C4orf51: variants seen among roughly 807,000 people sequenced by gnomAD.
C4orf51 encodes uncharacterized protein C4orf51.
C4orf51 carries 25 observed loss-of-function variants against 25.2 expected under a neutral mutation model. The ratio of observed to expected loss-of-function variants is 0.99; its 90% CI spans 0.72 to 1.39. C4orf51 has a LOEUF of 1.39. C4orf51 is among the 40% of genes most tolerant of loss of function. C4orf51 has a pLI of 0.00. For missense variants in C4orf51, 252 were observed against 239.6 expected, an observed-to-expected ratio of 1.05 and a Z score of -0.34; for synonymous variants, 100 against 84.5, an observed-to-expected ratio of 1.18 and a Z score of -1.01.
intron 3 of C4orf51, among the ~76,000 whole-genome samples, chr4:145,727,644 G>A (rs1452809641): frequency 6.6e-6 from 1 of 151,430 alleles, no homozygotes; most frequent in Non-Finnish European, 1.5e-5. Flanking sequence ...GGGAGGCCAA[G>A]ACAGGTGGAT....
At chr4:145,731,562 ATCTTT>A (rs1445635929) in intron 5 of C4orf51, among the ~76,000 whole-genome samples, 28 of 93,274 alleles carry the variant, frequency 3.0e-4, no homozygotes, top group Admixed American at 1.6e-3. Context: ...GACAAGGCAA[ATCTTT>A]TTTTTTTTTT....
At chr4:145,777,722 T>C in the C4orf51 span, among the ~76,000 whole-genome samples, 153 of 152,324 alleles carry the variant, frequency 1.0e-3, no homozygotes, top group African/African-American at 3.5e-3. Flanking sequence ...TTCTAGACTT[T>C]GTTGTTTTAT....
chr4:145,682,078 G>A (rs965907415), intron 1 of C4orf51, among the ~76,000 whole-genome samples: 3 of 152,138 alleles, frequency 2.0e-5, no homozygotes, highest in African/African-American at 7.2e-5. Context: ...TAGGACATCT[G>A]GTGAAAATGT....
chr4:145,687,154 G>C (rs1029490344), intron 1 of C4orf51, among the ~76,000 whole-genome samples: 1 of 152,166 alleles, frequency 6.6e-6, no homozygotes, highest in Non-Finnish European at 1.5e-5. Context: ...CAATGAGATA[G>C]ATGCATATCT....
At chr4:145,729,297 A>ATGTTTTTT (rs1732292224) in intron 4 of C4orf51, 68 bp downstream of exon 4, 1 of 253,942 alleles carries the variant, frequency 3.9e-6, no homozygotes, top group African/African-American at 5.1e-5. Flanking sequence ...TGGTCATGTG[A>ATGTTTTTT]TTTTTTTTTT....
chr4:145,738,961 T>C (rs1732953131), intron 1 of C4orf51, among the ~76,000 whole-genome samples: 1 of 152,218 alleles, frequency 6.6e-6, no homozygotes, highest in South Asian at 2.1e-4. Context: ...ATTTTTTTAA[T>C]GATTAGGCAA....
chr4:145,745,108 A>G (rs1733299443), intron 1 of C4orf51, among the ~76,000 whole-genome samples: 1 of 152,214 alleles, frequency 6.6e-6, no homozygotes, highest in African/African-American at 2.4e-5. Flanking sequence ...TAGTAGGTAT[A>G]TATACTTATG....
intron 2 of C4orf51, among the ~76,000 whole-genome samples, chr4:145,706,287 C>G (rs565235060): frequency 6.6e-6 from 1 of 152,260 alleles, no homozygotes; most frequent in East Asian, 1.9e-4. Flanking sequence ...CATATAGACT[C>G]CTTTTAAAAT....
intron 3 of C4orf51, among the ~76,000 whole-genome samples, chr4:145,728,282 CCT>C (rs1018067870): frequency 6.6e-6 from 1 of 151,700 alleles, no homozygotes; most frequent in Non-Finnish European, 1.5e-5. Flanking sequence ...CGTGAGAGTG[CCT>C]GTTTTCCTAT....
Position 145,680,251 on chromosome 4 carries a change from C to T in C4orf51, c.48C>T (p.Ser16=). ...CTCCACAAATTCTTCTGCCCTTTAG[C>T]CCTCTTACTTCTCAAGAGTTTGATC... The part of the protein sequence containing the change: ...YLTPQILLPF[S]PLTSQEFDLI... Residue 16 remains serine (S), a synonymous_variant, in exon 1 of 6, where the codon AGC becomes AGT. Coordinates refer to ENST00000438731, the MANE Select transcript of C4orf51 (RefSeq NM_001080531.3). The T allele has an allele frequency of 1.2e-6, 2 of 1,613,966 alleles. No individual in the cohort carries two copies. Among genetic ancestry groups the T allele is most frequent in the Non-Finnish European group, 1.7e-6 (2 of 1,179,854 alleles).
chr4:145,693,177 C>T (rs867979762), intron 1 of C4orf51, among the ~76,000 whole-genome samples: 121 of 148,760 alleles, frequency 8.1e-4, no homozygotes, highest in African/African-American at 2.8e-3. Context: ...GAGGACCCTG[C>T]GGCCTTCCGC....
chr4:145,734,472 T>C (rs1337914831), downstream of C4orf51, among the ~76,000 whole-genome samples: 1 of 152,170 alleles, frequency 6.6e-6, no homozygotes, highest in East Asian at 1.9e-4. Flanking sequence ...GCAAGGAAGA[T>C]TGTGGTCAAA....
chr4:145,740,240 CAAAAAAAAAAA>C (rs60310006), intron 1 of C4orf51, among the ~76,000 whole-genome samples: 1,255 of 104,750 alleles, frequency 0.012, 10 homozygotes, highest in African/African-American at 0.04. Context: ...TCCCTTTCTG[CAAAAAAAAAAA>C]AAAAAAAAAA....
rs868742009 is a variant in C4orf51 at position 145,729,548 on chromosome 4, T to G, written c.427+319T>G. ...GATCTTCCGACCTTGTGATCCTCCC[T>G]CCTTGGCCTCCCAAAGTGCTGGGAT... On this transcript the variant is annotated intron_variant, in intron 4 of 5. Transcript: ENST00000438731. 3.9e-4 allele frequency among the ~76,000 whole-genome samples: 59 copies of G among 152,188 alleles called. 1 individual carries two copies. Among genetic ancestry groups the G allele is most frequent in the South Asian group, 2.1e-3 (10 of 4,810 alleles).
chr4:145,768,048 A>T lies in C4orf51; in HGVS notation n.167-2940A>T, dbSNP rs542135666. Among the ~76,000 whole-genome samples the T allele has an allele frequency of 2.0e-5, 3 of 152,404 alleles. No homozygotes were observed. In the South Asian group the frequency reaches 6.2e-4, roughly 32 times the overall value. On this transcript the variant is annotated intron_variant and non_coding_transcript_variant, in intron 1 of 1. Transcript: ENST00000510096. ...GGGTTTATAAAACATATAAGTAAAC[A>T]TATGACAATAGTATAAACGCTAGGA... is the stretch of plus-strand genomic sequence containing the variant.
chr4:145,719,876 G>A (rs1388886674), intron 2 of C4orf51, among the ~76,000 whole-genome samples: 2 of 152,202 alleles, frequency 1.3e-5, no homozygotes, highest in Non-Finnish European at 2.9e-5. Flanking sequence ...TTTGCGGGGA[G>A]AAGAAAAGAG....
At chr4:145,714,744 T>C (rs1216084875) in intron 2 of C4orf51, among the ~76,000 whole-genome samples, 1 of 152,220 alleles carries the variant, frequency 6.6e-6, no homozygotes. Context: ...CTTGAGTTAC[T>C]GGCTTTGCCT....
Position 145,728,084 on chromosome 4 carries a change from C to A in C4orf51, c.367-1085C>A, listed in dbSNP as rs144178271. Among the ~76,000 whole-genome samples, 1,238 of 142,700 alleles carry A rather than the reference C, an allele frequency of 8.7e-3. 13 individuals carry two copies. Among genetic ancestry groups the A allele is most frequent in the African/African-American group, 0.029 (1,132 of 38,486 alleles). 93.6% of individuals were successfully genotyped at this position (142,700 alleles called of 152,430 possible). A position where few individuals can be genotyped will look rare whatever the true frequency, so the allele number is the denominator to read the frequency against. On this transcript the variant is annotated intron_variant, in intron 3 of 5. Coordinates refer to ENST00000438731, the MANE Select transcript of C4orf51 (RefSeq NM_001080531.3). ...CACACACACACGCCATATAAGGAGG[C>A]ATTTAAGGTTTTCTAATTTATAACT...
intron 1 of C4orf51, among the ~76,000 whole-genome samples, chr4:145,695,164 C>G (rs1296954617): frequency 6.6e-6 from 1 of 152,216 alleles, no homozygotes; most frequent in Non-Finnish European, 1.5e-5. Flanking sequence ...AATTGTCATA[C>G]TGCTTTCCAC....
Sources: gnomAD v4.1 joint callset for allele counts (sites outside exome capture counted in the v4.1 genomes callset) on GRCh38, gnomAD v4.1.1 for gene constraint, MANE v1.5 for transcripts, NCBI Gene and HGNC (gene_info 2026-07-23, HGNC 2026-07-21) for gene names.